VTI1A: variants seen among roughly 807,000 people sequenced by gnomAD.
VTI1A encodes the protein vesicle transport through interaction with t-SNAREs homolog 1A.
A neutral mutation model predicts 34.9 loss-of-function variants in VTI1A; 22 were observed. That is an observed-to-expected ratio of 0.63 (90% CI 0.45 to 0.90). The LOEUF (loss-of-function observed/expected upper bound fraction) is 0.90. VTI1A is among the 40% of genes least tolerant of loss of function. The pLI is 0.00. For missense variants in VTI1A, 268 were observed against 275.6 expected (o/e 0.97, Z 0.20); for synonymous variants, 87 against 97.3 (o/e 0.89, Z 0.62).
chr10:112,676,842 T>C (rs544254102), intron 7 of VTI1A, among the ~76,000 whole-genome samples: 3 of 152,346 alleles, frequency 2.0e-5, no homozygotes, highest in South Asian at 4.1e-4. Context: ...TGAAACACAG[T>C]GTTGGAATCT....
At position 112,619,052 on chromosome 10, in the gene VTI1A, T is replaced by G. The variant is rs1465128588; in HGVS notation, c.428-49166T>G. On this transcript the variant is annotated intron_variant, in intron 5 of 7. Coordinates refer to ENST00000393077, the MANE Select transcript of VTI1A (RefSeq NM_145206.4). ...TCTTCTGGAATCGTGCCTGGCACAT[T>G]AGTAAACACAGTTTTTTTTTTTTTT... Among the ~76,000 whole-genome samples the G allele has an allele frequency of 2.8e-5, 4 of 142,380 alleles. No individual in the cohort carries two copies. The East Asian group carries it at 8.1e-4, about 29-fold the overall frequency. 93.4% of individuals were successfully genotyped at this position (142,380 alleles called of 152,430 possible).
intron 5 of VTI1A, among the ~76,000 whole-genome samples, chr10:112,593,685 T>G (rs1339241626): frequency 6.6e-6 from 1 of 152,216 alleles, no homozygotes; most frequent in East Asian, 1.9e-4. Flanking sequence ...GCTAGCAGGC[T>G]GTGTATGTGT....
In VTI1A at chr10:112,460,600, T is replaced by C. The variant is rs375601529; in HGVS notation, c.153+18T>C. ...AAGAACTGGTATGTACAGACAGTAATGTATTTTAACACACAGCCAGAGCCG... is the reference window on the plus strand; with the variant it reads ...AAGAACTGGTATGTACAGACAGTAACGTATTTTAACACACAGCCAGAGCCG... On this transcript the variant is annotated intron_variant, in intron 2 of 7. Transcript: ENST00000393077. The C allele has an allele frequency of 1.1e-5, 18 of 1,575,212 alleles. No homozygotes were observed. Among genetic ancestry groups the C allele is most frequent in the Non-Finnish European group, 1.5e-5 (18 of 1,163,100 alleles).
the VTI1A span, chr10:112,823,806 A>C: frequency 6.7e-6 from 1 of 149,876 alleles, no homozygotes; most frequent in Non-Finnish European, 1.5e-5. Flanking sequence ...GTGGATCGGC[A>C]TTCCTTGAGC....
intron 7 of VTI1A, chr10:112,671,919 A>G (rs1041598017): frequency 1.3e-5 from 2 of 151,926 alleles, no homozygotes; most frequent in Non-Finnish European, 1.5e-5. Context: ...TAAATATTTA[A>G]TGTCTGTATG....
intron 5 of VTI1A, among the ~76,000 whole-genome samples, chr10:112,627,987 G>A (rs113704474): frequency 0.017 from 2,566 of 152,190 alleles, 79 homozygotes; most frequent in African/African-American, 0.058. Context: ...AATGAGCCCC[G>A]CGCGTGTGTT....
chr10:112,496,427 C>T (rs1353576617), intron 3 of VTI1A, among the ~76,000 whole-genome samples: 1 of 151,926 alleles, frequency 6.6e-6, no homozygotes, highest in Non-Finnish European at 1.5e-5. Context: ...AAAAATTAGC[C>T]AGGCGTGGTG....
chr10:112,797,123 A>C (rs1852701098), intron 7 of VTI1A, among the ~76,000 whole-genome samples: 1 of 152,182 alleles, frequency 6.6e-6, no homozygotes, highest in Admixed American at 6.5e-5. Context: ...CGGAGTAAAA[A>C]ATTAAATTTT....
intron 7 of VTI1A, among the ~76,000 whole-genome samples, chr10:112,747,309 G>A (rs1282133807): frequency 2.0e-5 from 3 of 152,218 alleles, no homozygotes; most frequent in African/African-American, 2.4e-5. Context: ...ACGGGGATAC[G>A]TTCTGAGAGT....
chr10:112,641,987 CA>C (rs1846594406), intron 5 of VTI1A, among the ~76,000 whole-genome samples: 1 of 152,204 alleles, frequency 6.6e-6, no homozygotes, highest in South Asian at 2.1e-4. Flanking sequence ...GGAAGATTCT[CA>C]ACCCAGACCA....
chr10:112,651,654 G>A (rs928221277), intron 5 of VTI1A, among the ~76,000 whole-genome samples: 1 of 152,152 alleles, frequency 6.6e-6, no homozygotes, highest in Non-Finnish European at 1.5e-5. Flanking sequence ...TTTTTTAGCT[G>A]AAACTGATGT....
At chr10:112,713,500 G>C (rs1849502399) in intron 7 of VTI1A, among the ~76,000 whole-genome samples, 1 of 152,096 alleles carries the variant, frequency 6.6e-6, no homozygotes, top group Non-Finnish European at 1.5e-5. Context: ...GGAAACTGAG[G>C]CTTAGAAAAG....
In VTI1A at chr10:112,609,113, T is replaced by C. The variant is rs553118022; in HGVS notation, c.428-59105T>C. On this transcript the variant is annotated intron_variant, in intron 5 of 7. Transcript: ENST00000393077. ...TATGATAAAGATTTGGTGAATCTTA[T>C]TTTATTTCTATATCAGTACGTTTTA... is the stretch of plus-strand genomic sequence containing the variant. 1.9e-4 allele frequency among the ~76,000 whole-genome samples: 29 copies of C among 152,314 alleles called. No individual in the cohort carries two copies. The East Asian group carries it at 4.2e-3, about 22-fold the overall frequency.
rs1847744775 is a variant in VTI1A at position 112,462,024 on chromosome 10, A to G, written c.153+1442A>G. ...CACCACCATGCCTGGCTAATTTTGT[A>G]TTTTCAGTAGAGACAGGGTTTCACC... On this transcript the variant is annotated intron_variant, in intron 2 of 7. Coordinates refer to ENST00000393077, the MANE Select transcript of VTI1A (RefSeq NM_145206.4). 2.0e-5 allele frequency among the ~76,000 whole-genome samples: 3 copies of G among 151,326 alleles called. No individual in the cohort carries two copies. The South Asian group carries it at 6.2e-4, about 31-fold the overall frequency.
At chr10:112,576,268 G>A in intron 5 of VTI1A, among the ~76,000 whole-genome samples, 1 of 148,562 alleles carries the variant, frequency 6.7e-6, no homozygotes, top group African/African-American at 2.5e-5. Context: ...GATCCGCCCC[G>A]CTCGGCCTCC....
chr10:112,843,977 T>C, the VTI1A span, among the ~76,000 whole-genome samples: 1 of 152,216 alleles, frequency 6.6e-6, no homozygotes, highest in East Asian at 1.9e-4. Context: ...GCAGACTGTG[T>C]GCCCAGGAGC....
At chr10:112,758,186 A>T (rs1851351136) in intron 7 of VTI1A, among the ~76,000 whole-genome samples, 1 of 152,178 alleles carries the variant, frequency 6.6e-6, no homozygotes, top group Non-Finnish European at 1.5e-5. Flanking sequence ...ATGAACAGGA[A>T]AGCTCATAGA....
chr10:112,727,057 G>T (rs1850056950), intron 7 of VTI1A, among the ~76,000 whole-genome samples: 1 of 152,204 alleles, frequency 6.6e-6, no homozygotes, highest in Non-Finnish European at 1.5e-5. Flanking sequence ...TTGTCTCATT[G>T]AATAGGGTAC....
chr10:112,704,868 A>G (rs1323469233), intron 7 of VTI1A, among the ~76,000 whole-genome samples: 1 of 152,098 alleles, frequency 6.6e-6, no homozygotes, highest in Non-Finnish European at 1.5e-5. Context: ...TAATGAGATA[A>G]TGAGGGTCTA....
Sources: allele counts gnomAD v4.1 joint callset (sites outside exome capture counted in the v4.1 genomes callset), GRCh38; gene constraint gnomAD v4.1.1; transcripts MANE v1.5; gene names NCBI Gene and HGNC (gene_info 2026-07-23, HGNC 2026-07-21).